FMNL3: variants seen among roughly 807,000 people sequenced by gnomAD.
FMNL3 encodes formin like 3.
A neutral mutation model predicts 119.6 loss-of-function variants in FMNL3; 57 were observed. That is an observed-to-expected ratio of 0.48 (90% CI 0.39 to 0.59). The LOEUF is 0.59. Among genes scored for constraint, FMNL3 ranks in the 20% least tolerant of loss-of-function variants. The pLI is 0.00. For missense variants in FMNL3, 1,053 were observed against 1,323.5 expected, an observed-to-expected ratio of 0.80 and a Z score of 3.17; for synonymous variants, 491 against 507.3, an observed-to-expected ratio of 0.97 and a Z score of 0.43.
At chr12:49,695,818 A>ATTTTTTTT (rs112373407) in intron 1 of FMNL3, among the ~76,000 whole-genome samples, 1 of 147,584 alleles carries the variant, frequency 6.8e-6, no homozygotes. Context: ...GGTACAGGTC[A>ATTTTTTTT]TTTTTTTTTT....
intron 1 of FMNL3, among the ~76,000 whole-genome samples, chr12:49,700,569 G>GCCA (rs1364486396): frequency 2.0e-5 from 3 of 150,896 alleles, no homozygotes; most frequent in African/African-American, 7.3e-5. Flanking sequence ...ACAAAAATTA[G>GCCA]CCAGGCATGG....
At chr12:49,656,680 A>C in intron 8 of FMNL3, 143 bp downstream of exon 8, 1 of 925,022 alleles carries the variant, frequency 1.1e-6, no homozygotes, top group Non-Finnish European at 1.7e-6. Flanking sequence ...AGCCAGGGAC[A>C]CTTCTCTTCC....
rs1354644741 is a variant in FMNL3, at chr12:49,644,135, G to A, written c.*1680C>T. The A allele has an allele frequency of 1.6e-5, 26 of 1,614,076 alleles. No homozygotes were observed. Among genetic ancestry groups the A allele is most frequent in the Admixed American group, 3.3e-5 (2 of 60,012 alleles). ...ACACGTCAGAAAGTGAGCTGAGTGA[G>A]GGTGAGCTGGAGAGGCGGCGGCGGA... On this transcript the variant is annotated 3_prime_UTR_variant, in exon 26 of 26. Coordinates refer to ENST00000335154, the MANE Select transcript of FMNL3 (RefSeq NM_175736.5).
rs1421526251 is a variant in FMNL3, at chr12:49,647,877, G to A, written c.2677-73C>T. 1.6e-6 allele frequency: 2 copies of A among 1,246,626 alleles called. No homozygotes were observed. The highest frequency in any genetic ancestry group is 2.3e-6 in the Non-Finnish European group (2 of 859,082). The allele number at this position is 1,246,626 out of a possible 1,614,324, so 77.2% of individuals were successfully genotyped here. On this transcript the variant is annotated intron_variant, in intron 22 of 25. Transcript: ENST00000335154. This position sits in a 1 kb window ranked among gnomAD's most constrained non-coding sequence, Gnocchi z 4.9. The stretch of plus-strand genomic sequence containing the variant: ...CCAGCTCCCACACCACGGATGAGAG[G>A]CCTGCAGAAAGCAGAGCCCAGGGCC...
chr12:49,662,194 AC>A, intron 4 of FMNL3, 145 bp from the exon 5 acceptor site: 1 of 750,688 alleles, frequency 1.3e-6, no homozygotes, highest in Non-Finnish European at 2.3e-6. Context: ...CCCATGACAG[AC>A]CCATCCACGG....
At position 49,637,703 on chromosome 12, in the gene FMNL3, C is replaced by T. The variant is rs199787423; in HGVS notation, c.*8112G>A. On this transcript the variant is annotated 3_prime_UTR_variant, in exon 26 of 26. Transcript: ENST00000335154. ...CCCCAGGCCTTGGGAAGCTGCCGCC[C>T]GCCAGGCCCCCCTCCCTCCCTCCTT... 23 of 1,512,384 alleles carry T rather than the reference C, an allele frequency of 1.5e-5. No homozygotes were observed. Among genetic ancestry groups the T allele is most frequent in the South Asian group, 1.2e-4 (10 of 86,252 alleles). The allele number at this position is 1,512,384 out of a possible 1,614,324, so 93.7% of individuals were successfully genotyped here. A position where few individuals can be genotyped will look rare whatever the true frequency, so the allele number is the denominator to read the frequency against.
intron 1 of FMNL3, among the ~76,000 whole-genome samples, chr12:49,671,672 A>G (rs1227277083): frequency 6.6e-6 from 1 of 152,244 alleles, no homozygotes; most frequent in Non-Finnish European, 1.5e-5. Flanking sequence ...GCCCTTAGGA[A>G]TGACAACTTC....
Position 49,641,209 on chromosome 12 carries a change from C to T in FMNL3, c.*4606G>A, listed in dbSNP as rs59576871. 6.6e-6 allele frequency: 1 copy of T among 152,214 alleles called. No homozygotes were observed. The highest frequency in any genetic ancestry group is 6.5e-5 in the Admixed American group (1 of 15,282). 9.4% of individuals were successfully genotyped at this position (152,214 alleles called of 1,614,324 possible). Reference sequence around the variant, plus strand: ...AGAAGCATAGAGCCTGGCCTGTGGACATGTTTTTAGTATTGGTGGGGAGCT... The same window carrying T: ...AGAAGCATAGAGCCTGGCCTGTGGATATGTTTTTAGTATTGGTGGGGAGCT... On this transcript the variant is annotated 3_prime_UTR_variant, in exon 26 of 26. Coordinates refer to ENST00000335154, the MANE Select transcript of FMNL3 (RefSeq NM_175736.5).
At chr12:49,676,017 C>T (rs1051629385) in intron 1 of FMNL3, among the ~76,000 whole-genome samples, 39 of 152,152 alleles carry the variant, frequency 2.6e-4, no homozygotes, top group African/African-American at 9.4e-4. Context: ...CTGCTGACTC[C>T]CTACCTACTA....
In FMNL3 at chr12:49,643,513, G is replaced by A; in HGVS notation, c.*2302C>T. On this transcript the variant is annotated 3_prime_UTR_variant, in exon 26 of 26. Coordinates refer to ENST00000335154, the MANE Select transcript of FMNL3 (RefSeq NM_175736.5). ...ACTGGATTGGGAGGGCTGCACCTGT[G>A]GAAGTAGAAAGAACTTCCTCTACCT... 1.4e-6 allele frequency: 2 copies of A among 1,427,062 alleles called. No homozygotes were observed. Among genetic ancestry groups the A allele is most frequent in the Non-Finnish European group, 1.9e-6 (2 of 1,060,268 alleles). 88.4% of individuals were successfully genotyped at this position (1,427,062 alleles called of 1,614,324 possible). A position where few individuals can be genotyped will look rare whatever the true frequency, so the allele number is the denominator to read the frequency against.
chr12:49,653,905 G>A, intron 11 of FMNL3, 31 bp from the exon 12 acceptor site: 1 of 1,611,100 alleles, frequency 6.2e-7, no homozygotes, highest in Non-Finnish European at 8.5e-7. Context: ...AGGAGTAGTT[G>A]TAGGAGCAGG....
At position 49,652,056 on chromosome 12, in the gene FMNL3, G is replaced by A; in HGVS notation, c.1480C>T (p.Leu494=). The A allele has an allele frequency of 1.9e-6, 3 of 1,611,388 alleles. No homozygotes were observed. The highest frequency in any genetic ancestry group is 1.7e-4 in the Middle Eastern group (1 of 6,058). The change falls in exon 14 of 26, where the codon CTG becomes TTG. Residue 494 remains leucine (L), a synonymous_variant. Transcript: ENST00000335154. ...TCGGAGGGTGGCATGCCCTCACTCA[G>A]CTCTGCAGGGCCTACTCTGGCCAGG... ...EALARVGPAE[L]SEGMPPSDLD...
At position 49,643,669 on chromosome 12, in the gene FMNL3, G is replaced by A. The variant is rs756966896; in HGVS notation, c.*2146C>T. 6.2e-7 allele frequency: 1 copy of A among 1,610,712 alleles called. No individual in the cohort carries two copies. The highest frequency in any genetic ancestry group is 1.7e-4 in the Middle Eastern group (1 of 6,046). ...CCTGTCTTTCTCCTGTTGGGACTTA[G>A]TAGGGATTTTTCTATCTCTAGATCA... is the stretch of plus-strand genomic sequence containing the variant. On this transcript the variant is annotated 3_prime_UTR_variant, in exon 26 of 26. Coordinates refer to ENST00000335154, the MANE Select transcript of FMNL3 (RefSeq NM_175736.5).
At chr12:49,689,009 T>C (rs1944537335) in intron 1 of FMNL3, among the ~76,000 whole-genome samples, 3 of 152,152 alleles carry the variant, frequency 2.0e-5, no homozygotes, top group African/African-American at 7.2e-5. Flanking sequence ...TCTCAGCACT[T>C]TGGGAGGCTA....
chr12:49,691,886 T>C (rs1944613015), intron 1 of FMNL3, among the ~76,000 whole-genome samples: 1 of 151,798 alleles, frequency 6.6e-6, no homozygotes, highest in Non-Finnish European at 1.5e-5. Context: ...AATACAAAAA[T>C]TAGCTGGGCG....
chr12:49,701,673 G>T (rs1023550749), intron 1 of FMNL3, among the ~76,000 whole-genome samples: 4 of 152,090 alleles, frequency 2.6e-5, no homozygotes, highest in Non-Finnish European at 1.5e-5. Context: ...TGTAATCCCA[G>T]CACTTTGGGA....
intron 1 of FMNL3, among the ~76,000 whole-genome samples, chr12:49,679,269 C>T (rs1944273075): frequency 6.6e-6 from 1 of 152,150 alleles, no homozygotes; most frequent in Admixed American, 6.5e-5. Context: ...CCAAGTCTGA[C>T]CCCAAAGTCT....
In FMNL3 at chr12:49,637,699, C is replaced by A; in HGVS notation, c.*8116G>T. The stretch of plus-strand genomic sequence containing the variant: ...CAGCCCCCAGGCCTTGGGAAGCTGC[C>A]GCCCGCCAGGCCCCCCTCCCTCCCT... On this transcript the variant is annotated 3_prime_UTR_variant, in exon 26 of 26. Coordinates refer to ENST00000335154, the MANE Select transcript of FMNL3 (RefSeq NM_175736.5). 1 of 1,506,418 alleles carries A rather than the reference C, an allele frequency of 6.6e-7. No homozygotes were observed. The highest frequency in any genetic ancestry group is 1.2e-5 in the South Asian group (1 of 85,706). The allele number at this position is 1,506,418 out of a possible 1,614,324, so 93.3% of individuals were successfully genotyped here. A position where few individuals can be genotyped will look rare whatever the true frequency, so the allele number is the denominator to read the frequency against.
chr12:49,705,081 A>G (rs1349681792), intron 1 of FMNL3, among the ~76,000 whole-genome samples: 4 of 152,222 alleles, frequency 2.6e-5, no homozygotes, highest in Non-Finnish European at 4.4e-5. Context: ...CAAATCCCCA[A>G]GAAGGGATGA....
Sources: allele counts gnomAD v4.1 joint callset (sites outside exome capture counted in the v4.1 genomes callset), GRCh38; gene constraint gnomAD v4.1.1; non-coding constraint Gnocchi (gnomAD v3.1); transcripts MANE v1.5; gene names NCBI Gene and HGNC (gene_info 2026-07-23, HGNC 2026-07-21).